Variants in PNPLA5 observed in about 807,000 individuals in gnomAD.
PNPLA5 encodes patatin like domain 5, triacylglycerol lipase.
A neutral mutation model predicts 49.1 loss-of-function variants in PNPLA5; 44 were observed. The observed-to-expected ratio is 0.90, with a 90% CI of 0.70 to 1.15. The LOEUF is 1.15. Ranked by LOEUF, PNPLA5 falls within the 50% of genes most tolerant of loss-of-function variation. The pLI, the probability that PNPLA5 is intolerant of heterozygous loss-of-function variation, is 0.00. For missense variants in PNPLA5, 603 were observed against 564.0 expected (o/e 1.07, Z -0.70); for synonymous variants, 243 against 244.4 (o/e 0.99, Z 0.06).
intron 7 of PNPLA5, among the ~76,000 whole-genome samples, chr22:43,882,910 C>T (rs1431300243): frequency 6.6e-6 from 1 of 152,170 alleles, no homozygotes; most frequent in East Asian, 1.9e-4. Flanking sequence ...CCTGCTTAAA[C>T]CCTTCCCAGC....
intron 1 of PNPLA5, 197 bp from the exon 2 acceptor site, chr22:43,891,491 C>T: frequency 3.3e-6 from 3 of 909,696 alleles, no homozygotes; most frequent in Non-Finnish European, 3.9e-6. Context: ...AACAGAGTTT[C>T]TGGCTCTGAG....
In PNPLA5 at chr22:43,880,626, A is replaced by G; in HGVS notation, c.*169T>C. On this transcript the variant is annotated 3_prime_UTR_variant, in exon 9 of 9. Transcript: ENST00000216177. ...GGGCAGGTGACCTGGGTACACAGTG[A>G]CCGGGGACATGCTGACAGGCTGCGC... The G allele has an allele frequency of 3.6e-6, 2 of 562,018 alleles. No individual in the cohort carries two copies. The highest frequency in any genetic ancestry group is 5.3e-6 in the Non-Finnish European group (2 of 374,840). 34.8% of individuals were successfully genotyped at this position (562,018 alleles called of 1,614,324 possible). A position where few individuals can be genotyped will look rare whatever the true frequency, so the allele number is the denominator to read the frequency against.
At position 43,886,440 on chromosome 22, in the gene PNPLA5, G is replaced by A. The variant is rs2049665769; in HGVS notation, c.812C>T (p.Pro271Leu). Reference sequence around the variant, plus strand: ...ATCCCAGTTTCCGTCAGCCGGGGCTGGGGGTTCCTTAGACACCAGCGTCCA... The same window carrying A: ...ATCCCAGTTTCCGTCAGCCGGGGCTAGGGGTTCCTTAGACACCAGCGTCCA... ...VLWTLVSKEP[P>L]APADGNWDAG... The change falls in exon 6 of 9, where the codon CCA becomes CTA. Residue 271 changes from proline (P) to leucine (L), a missense_variant. Transcript: ENST00000216177. 2 of 1,613,742 alleles carry A rather than the reference G, an allele frequency of 1.2e-6. No individual in the cohort carries two copies. Among genetic ancestry groups the A allele is most frequent in the Non-Finnish European group, 1.7e-6 (2 of 1,179,724 alleles).
intron 4 of PNPLA5, among the ~76,000 whole-genome samples, chr22:43,888,251 CA>C (rs2049685544): frequency 6.6e-6 from 1 of 151,996 alleles, no homozygotes; most frequent in African/African-American, 2.4e-5. Flanking sequence ...CCTGCCCGCC[CA>C]GGGGTGTGGG....
intron 6 of PNPLA5, 176 bp from the exon 7 acceptor site, chr22:43,884,521 C>A: frequency 3.5e-6 from 2 of 577,232 alleles, no homozygotes; most frequent in Non-Finnish European, 4.4e-6. Context: ...CATCGTTGTC[C>A]GTGAGACAAG....
chr22:43,886,581 C>G (rs1379242707), intron 5 of PNPLA5, 93 bp from the exon 6 acceptor site: 13 of 1,500,620 alleles, frequency 8.7e-6, no homozygotes, highest in African/African-American at 1.4e-5. Flanking sequence ...AAACCCAGTT[C>G]TGGGGATCCA....
chr22:43,889,745 G>T, intron 3 of PNPLA5, 54 bp downstream of exon 3: 4 of 1,582,972 alleles, frequency 2.5e-6, no homozygotes, highest in East Asian at 2.3e-5. Context: ...ACCTCTCCAC[G>T]GTGTGCACCC....
chr22:43,883,941 C>T (rs894362538), intron 7 of PNPLA5, among the ~76,000 whole-genome samples: 29 of 152,306 alleles, frequency 1.9e-4, no homozygotes, highest in African/African-American at 7.0e-4. Flanking sequence ...GGTCAAAGGT[C>T]ACGGAGACAG....
Position 43,891,086 on chromosome 22 carries a change from G to A in PNPLA5, c.402C>T (p.Phe134=), listed in dbSNP as rs1179748726. 6 of 1,610,858 alleles carry A rather than the reference G, an allele frequency of 3.7e-6. No individual in the cohort carries two copies. Among genetic ancestry groups the A allele is most frequent in the Middle Eastern group, 1.6e-4 (1 of 6,074 alleles). ...PDGRNFLVTD[F]ATCDELIQAL... ...CCTGGATGAGCTCATCGCAGGTGGCGAAGTCAGTGACCAAGAAGTTGCGTC... is the reference window on the plus strand; with the variant it reads ...CCTGGATGAGCTCATCGCAGGTGGCAAAGTCAGTGACCAAGAAGTTGCGTC... Residue 134 remains phenylalanine (F), a synonymous_variant, in exon 2 of 9, where the codon TTC becomes TTT. Coordinates refer to ENST00000216177, the MANE Select transcript of PNPLA5 (RefSeq NM_138814.4).
intron 2 of PNPLA5, 93 bp from the exon 3 acceptor site, chr22:43,889,957 AAGG>A (rs2049707115): frequency 6.5e-7 from 1 of 1,535,526 alleles, no homozygotes; most frequent in African/African-American, 1.4e-5. Flanking sequence ...ACAGCCTGCA[AAGG>A]AGGTGTCATC....
chr22:43,880,648 G>A lies in PNPLA5; in HGVS notation c.*147C>T. 3 of 742,684 alleles carry A rather than the reference G, an allele frequency of 4.0e-6. No individual in the cohort carries two copies. The highest frequency in any genetic ancestry group is 5.6e-6 in the Non-Finnish European group (3 of 539,674). The allele number at this position is 742,684 out of a possible 1,614,324, so 46.0% of individuals were successfully genotyped here. A position where few individuals can be genotyped will look rare whatever the true frequency, so the allele number is the denominator to read the frequency against. On this transcript the variant is annotated 3_prime_UTR_variant, in exon 9 of 9. Transcript: ENST00000216177. Reference sequence around the variant, plus strand: ...GTGACCGGGGACATGCTGACAGGCTGCGCCCCAAGGAACGGGCTCCAAGCT... The same window carrying A: ...GTGACCGGGGACATGCTGACAGGCTACGCCCCAAGGAACGGGCTCCAAGCT...
chr22:43,887,459 T>C, intron 5 of PNPLA5, 132 bp downstream of exon 5: 1 of 1,103,382 alleles, frequency 9.1e-7, no homozygotes, highest in African/African-American at 1.5e-5. Flanking sequence ...TCAGCTCAGG[T>C]CCAGCACAGA....
At chr22:43,887,710 A>G in intron 4 of PNPLA5, 59 bp from the exon 5 acceptor site, 1 of 1,560,472 alleles carries the variant, frequency 6.4e-7, no homozygotes, top group Non-Finnish European at 8.7e-7. Context: ...CCTCGAGTGG[A>G]TGTCACAGGC....
intron 4 of PNPLA5, 97 bp downstream of exon 4, chr22:43,889,232 G>C (rs2049696651): frequency 1.4e-6 from 2 of 1,385,086 alleles, no homozygotes; most frequent in Admixed American, 3.8e-5. Flanking sequence ...CTGCCTTCAG[G>C]CTCGGGGGGC....
Position 43,889,814 on chromosome 22 carries a change from GGGGGGGATCA to G in PNPLA5, c.467_476del (p.Leu156ProfsTer13). 6.2e-7 allele frequency: 1 copy of G among 1,606,914 alleles called. No individual in the cohort carries two copies. Among genetic ancestry groups the G allele is most frequent in the Non-Finnish European group, 8.5e-7 (1 of 1,175,208 alleles). On this transcript the variant is annotated frameshift_variant, in exon 3 of 9. Coordinates refer to ENST00000216177, the MANE Select transcript of PNPLA5 (RefSeq NM_138814.4). LOFTEE classifies it high-confidence loss of function. ...GTGCACTCACCTCCCCTCTGAACTC[GGGGGGGATCA>G]GCCCGCAGTAGAAAGGAAAGTATAA...
chr22:43,891,783 T>C lies in PNPLA5; in HGVS notation c.98A>G (p.Gln33Arg), dbSNP rs2049727474. The change falls in exon 1 of 9, where the codon CAG (glutamine) becomes CGG (arginine). Residue 33 changes from glutamine (Q) to arginine (R), a missense_variant. Physicochemically the swap from Gln to Arg is conservative, Grantham distance 43. Coordinates refer to ENST00000216177, the MANE Select transcript of PNPLA5 (RefSeq NM_138814.4). The stretch of plus-strand genomic sequence containing the variant: ...GCCCTGGAGGAGGCGCGGGGCTCGC[T>C]GGCGCAGGCATTCGGTGGCGCCCAC... The part of the protein sequence containing the change: ...HHVGATECLR[Q>R]RAPRLLQGAR... The C allele has an allele frequency of 7.8e-6, 12 of 1,529,594 alleles. No homozygotes were observed. Among genetic ancestry groups the C allele is most frequent in the Non-Finnish European group, 1.1e-5 (12 of 1,141,234 alleles). 94.8% of individuals were successfully genotyped at this position (1,529,594 alleles called of 1,614,324 possible).
Position 43,880,870 on chromosome 22 carries a change from G to A in PNPLA5, c.1215C>T (p.Arg405=), listed in dbSNP as rs759037064. The part of the protein sequence containing the change: ...LLGPISPPAT[R]VLETSPLQPQ... ...GTTGGAGGGGGCTTGTTTCCAGGACGCGAGTGGCCGGAGGGCTGTGGAGGG... is the reference window on the plus strand; with the variant it reads ...GTTGGAGGGGGCTTGTTTCCAGGACACGAGTGGCCGGAGGGCTGTGGAGGG... Residue 405 remains arginine, a synonymous_variant, in exon 9 of 9, where the codon CGC becomes CGT. Coordinates refer to ENST00000216177, the MANE Select transcript of PNPLA5 (RefSeq NM_138814.4). 9.0e-6 allele frequency: 12 copies of A among 1,336,834 alleles called. No homozygotes were observed. The highest frequency in any genetic ancestry group is 4.5e-5 in the African/African-American group (3 of 66,612). The allele number at this position is 1,336,834 out of a possible 1,614,324, so 82.8% of individuals were successfully genotyped here. A position where few individuals can be genotyped will look rare whatever the true frequency, so the allele number is the denominator to read the frequency against.
Position 43,891,160 on chromosome 22 carries a change from C to T in PNPLA5, c.328G>A (p.Val110Ile), listed in dbSNP as rs1224875698. The T allele has an allele frequency of 7.5e-6, 12 of 1,600,810 alleles. No individual in the cohort carries two copies. In the Admixed American group the frequency reaches 8.4e-5, roughly 11 times the overall value. The part of the protein sequence containing the change: ...LQDALPPDAH[V>I]LASQRLGISL... ...ATGCCCAGCCGCTGGGAGGCCAGGACGTGGGCGTCGGGGGGCAGAGCATCC... is the reference window on the plus strand; with the variant it reads ...ATGCCCAGCCGCTGGGAGGCCAGGATGTGGGCGTCGGGGGGCAGAGCATCC... Residue 110 changes from valine (V) to isoleucine (I), a missense_variant, in exon 2 of 9, where the codon GTC becomes ATC. By Grantham distance (29) the Val-to-Ile change is conservative (BLOSUM62 3). Transcript: ENST00000216177.
rs1259106729 is a variant in PNPLA5 at position 43,879,917 on chromosome 22, TC to T, written c.*877del. On this transcript the variant is annotated 3_prime_UTR_variant, in exon 9 of 9. Coordinates refer to ENST00000216177, the MANE Select transcript of PNPLA5 (RefSeq NM_138814.4). ...ATGCTGCCCAGGCTGGTCATTTTTC[TC>T]TTTAGTTCCCACGTGTATTCCTTTG... 1 of 152,478 alleles carries T rather than the reference TC, an allele frequency of 6.6e-6. No homozygotes were observed. The highest frequency in any genetic ancestry group is 2.4e-5 in the African/African-American group (1 of 41,428). The allele number at this position is 152,478 out of a possible 1,614,324, so 9.4% of individuals were successfully genotyped here. A position where few individuals can be genotyped will look rare whatever the true frequency, so the allele number is the denominator to read the frequency against.
Sources: gnomAD v4.1 joint callset for allele counts (sites outside exome capture counted in the v4.1 genomes callset) on GRCh38, gnomAD v4.1.1 for gene constraint, MANE v1.5 for transcripts, NCBI Gene and HGNC (gene_info 2026-07-23, HGNC 2026-07-21) for gene names.